Variants in CALN1 observed in about 807,000 individuals in gnomAD.
The protein encoded by CALN1 is calcium-binding protein 8.
Under a neutral mutation model 30.6 loss-of-function variants are expected in CALN1, and 17 were observed. The observed-to-expected ratio is 0.56, with a 90% confidence interval of 0.38 to 0.83. The LOEUF is 0.83. Ranked by LOEUF, CALN1 falls within the 40% of genes least tolerant of loss-of-function variation. The pLI is 0.00. For synonymous variants in CALN1, 156 were observed against 131.4 expected (o/e 1.19, Z -1.28); for missense variants, 291 against 354.9 (o/e 0.82, Z 1.45).
intron 4 of CALN1, among the ~76,000 whole-genome samples, chr7:72,075,343 T>C (rs901636510): frequency 6.6e-6 from 1 of 152,180 alleles, no homozygotes; most frequent in Non-Finnish European, 1.5e-5. Flanking sequence ...CCCAGTCAAG[T>C]TGACACATAA....
At chr7:72,175,264 A>G (rs922883436) in intron 3 of CALN1, among the ~76,000 whole-genome samples, 5 of 152,070 alleles carry the variant, frequency 3.3e-5, no homozygotes, top group African/African-American at 9.7e-5. Context: ...TAGTAGAGAC[A>G]GGGTTTCACC....
At chr7:72,200,657 G>T (rs945397320) in intron 3 of CALN1, among the ~76,000 whole-genome samples, 1 of 151,662 alleles carries the variant, frequency 6.6e-6, no homozygotes, top group Non-Finnish European at 1.5e-5. Flanking sequence ...CCTGGGGGAT[G>T]CGGTCTCCAT....
chr7:72,503,568 T>C, the CALN1 span, among the ~76,000 whole-genome samples: 1 of 152,146 alleles, frequency 6.6e-6, no homozygotes, highest in Non-Finnish European at 1.5e-5. Context: ...GTTTCTCTTT[T>C]CTCCAATTTG....
chr7:72,440,238 T>G (rs944813674), intron 1 of CALN1, among the ~76,000 whole-genome samples: 1 of 152,186 alleles, frequency 6.6e-6, no homozygotes, highest in Non-Finnish European at 1.5e-5. Context: ...TGGGTCCTGG[T>G]TAGGTAGCAC....
At chr7:71,845,440 G>A (rs1790173902) in intron 5 of CALN1, among the ~76,000 whole-genome samples, 1 of 152,144 alleles carries the variant, frequency 6.6e-6, no homozygotes, top group African/African-American at 2.4e-5. Context: ...ACTTCTAGAG[G>A]CTGGCTCTAA....
chr7:72,095,196 G>C (rs750495613), intron 4 of CALN1, among the ~76,000 whole-genome samples: 1 of 152,122 alleles, frequency 6.6e-6, no homozygotes, highest in Non-Finnish European at 1.5e-5. Flanking sequence ...CACAAAATGA[G>C]AATCATAATA....
At chr7:72,499,200 T>C in the CALN1 span, among the ~76,000 whole-genome samples, 5 of 151,996 alleles carry the variant, frequency 3.3e-5, no homozygotes, top group Non-Finnish European at 7.4e-5. Flanking sequence ...CTAGCTAATT[T>C]TTGTATTTTT....
chr7:72,372,152 G>T (rs1183715045), intron 2 of CALN1, among the ~76,000 whole-genome samples: 1 of 152,112 alleles, frequency 6.6e-6, no homozygotes, highest in African/African-American at 2.4e-5. Flanking sequence ...AATCCCCTAT[G>T]ATTATTTCTT....
chr7:71,863,557 CAA>C (rs71531769), intron 5 of CALN1, among the ~76,000 whole-genome samples: 708 of 32,066 alleles, frequency 0.022, 2 homozygotes, highest in East Asian at 0.17. Flanking sequence ...AACTCCATCT[CAA>C]AAAAAAAAAA....
At chr7:72,243,290 G>C (rs1406777702) in intron 3 of CALN1, among the ~76,000 whole-genome samples, 2 of 152,220 alleles carry the variant, frequency 1.3e-5, no homozygotes, top group African/African-American at 2.4e-5. Flanking sequence ...AACTGAATCA[G>C]CTGCCGTCTT....
intron 3 of CALN1, among the ~76,000 whole-genome samples, chr7:72,151,947 C>T (rs1371640066): frequency 1.4e-5 from 2 of 143,926 alleles, no homozygotes; most frequent in African/African-American, 2.6e-5. Context: ...CTCGCTCTGT[C>T]GCCCAGGCTG....
the CALN1 span, among the ~76,000 whole-genome samples, chr7:72,456,182 C>CA: frequency 0.19 from 21,860 of 115,216 alleles, 1,946 homozygotes; most frequent in Non-Finnish European, 0.22. Context: ...CACTCAGTCT[C>CA]AAAAAAAAAA....
At chr7:71,807,920 G>A (rs1787714204) in intron 6 of CALN1, among the ~76,000 whole-genome samples, 1 of 151,978 alleles carries the variant, frequency 6.6e-6, no homozygotes, top group Non-Finnish European at 1.5e-5. Flanking sequence ...CTAAAAATAT[G>A]AAAATTAGCC....
intron 4 of CALN1, among the ~76,000 whole-genome samples, chr7:72,102,319 T>C (rs573287522): frequency 5.3e-4 from 80 of 151,964 alleles, no homozygotes; most frequent in Middle Eastern, 6.8e-3. Context: ...GTGGCGCACG[T>C]CTGTAACCCC....
intron 5 of CALN1, among the ~76,000 whole-genome samples, chr7:71,912,915 A>T (rs908016508): frequency 3.9e-5 from 6 of 152,160 alleles, no homozygotes; most frequent in Non-Finnish European, 8.8e-5. Flanking sequence ...GCCACTACCG[A>T]CTTGACGGAC....
chr7:71,933,200 A>G (rs1007335162), intron 5 of CALN1, among the ~76,000 whole-genome samples: 5 of 152,182 alleles, frequency 3.3e-5, no homozygotes, highest in African/African-American at 9.7e-5. Context: ...CCGTATGTAC[A>G]GTAAGAAGAC....
intron 3 of CALN1, among the ~76,000 whole-genome samples, chr7:72,216,571 G>A (rs1317759100): frequency 6.6e-6 from 1 of 151,986 alleles, no homozygotes; most frequent in African/African-American, 2.4e-5. Flanking sequence ...AGTCAGCGTG[G>A]GGCCAGTGGC....
rs577012858 is a variant in CALN1, at chr7:72,280,365, C to T, written c.120-1555G>A. Among the ~76,000 whole-genome samples the T allele has an allele frequency of 3.3e-5, 5 of 152,300 alleles. No individual in the cohort carries two copies. The South Asian group carries it at 1.0e-3, about 32-fold the overall frequency. On this transcript the variant is annotated intron_variant, in intron 2 of 6. Coordinates refer to ENST00000395275, the MANE Select transcript of CALN1 (RefSeq NM_031468.4). ...TTCCATAGCTAACAGCATGTACATC[C>T]ACAGAACAATTGCAAATGGCAGGAT...
intron 2 of CALN1, among the ~76,000 whole-genome samples, chr7:72,343,941 C>G (rs1802496225): frequency 6.6e-6 from 1 of 152,102 alleles, no homozygotes. Context: ...AAGGGGATGC[C>G]CAAAAGGGCT....
Sources: gnomAD v4.1 joint callset for allele counts (sites outside exome capture counted in the v4.1 genomes callset) on GRCh38, gnomAD v4.1.1 for gene constraint, MANE v1.5 for transcripts, NCBI Gene and HGNC (gene_info 2026-07-23, HGNC 2026-07-21) for gene names.